Variants in DIAPH2 observed in about 807,000 individuals in gnomAD.
DIAPH2 encodes protein diaphanous homolog 2.
Under a neutral mutation model 92.7 loss-of-function variants are expected in DIAPH2, and 35 were observed. That is an observed-to-expected ratio of 0.38 (90% CI 0.29 to 0.50). The LOEUF (loss-of-function observed/expected upper bound fraction) is 0.50. Among genes scored for constraint, DIAPH2 ranks in the 20% least tolerant of loss-of-function variants. The pLI, the probability that DIAPH2 is intolerant of heterozygous loss-of-function variation, is 0.94. For synonymous variants in DIAPH2, 301 were observed against 280.4 expected, an observed-to-expected ratio of 1.07 and a Z score of -0.73; for missense variants, 701 against 819.5, an observed-to-expected ratio of 0.86 and a Z score of 1.77.
chrX:96,882,984 C>CAAAAAAAAAAA (rs1015330735), intron 5 of DIAPH2, among the ~76,000 whole-genome samples: 1 of 28,483 alleles, frequency 3.5e-5, no homozygotes, highest in Non-Finnish European at 9.5e-5. Flanking sequence ...AAAAAAAAAA[C>CAAAAAAAAAAA]AAAAAAACAA....
intron 24 of DIAPH2, among the ~76,000 whole-genome samples, chrX:97,366,495 C>G (rs1380146256): frequency 8.9e-6 from 1 of 111,824 alleles, no homozygotes; most frequent in East Asian, 2.8e-4. Context: ...CATGTTTACT[C>G]CATTTTATTT....
chrX:97,443,566 A>G (rs1175705271), intron 26 of DIAPH2, among the ~76,000 whole-genome samples: 1 of 111,761 alleles, frequency 8.9e-6, no homozygotes, highest in South Asian at 3.8e-4. Flanking sequence ...AATTTGAGGG[A>G]TGGAGGAAAT....
At chrX:97,031,866 G>C (rs1363934270) in intron 17 of DIAPH2, among the ~76,000 whole-genome samples, 3 of 111,678 alleles carry the variant, frequency 2.7e-5, no homozygotes, top group Non-Finnish European at 5.7e-5. Flanking sequence ...GTCAGAATGG[G>C]AATTAGCCAA....
At chrX:97,413,140 G>T (rs1440830369) in intron 25 of DIAPH2, among the ~76,000 whole-genome samples, 1 of 111,699 alleles carries the variant, frequency 9.0e-6, no homozygotes, top group South Asian at 3.8e-4. Context: ...GATGAACATC[G>T]ATGTGAAAAT....
intron 23 of DIAPH2, among the ~76,000 whole-genome samples, chrX:97,279,158 A>G (rs2147597902): frequency 9.0e-6 from 1 of 111,544 alleles, no homozygotes; most frequent in East Asian, 2.8e-4. Context: ...TCTAGTCTCT[A>G]GATTTGGTCT....
At chrX:96,731,989 C>T (rs888570712) in intron 1 of DIAPH2, among the ~76,000 whole-genome samples, 2 of 110,821 alleles carry the variant, frequency 1.8e-5, no homozygotes, top group Admixed American at 1.9e-4. Flanking sequence ...AGGGGTATGA[C>T]TCTAATAAAG....
chrX:97,261,382 G>T (rs975323117), intron 23 of DIAPH2, among the ~76,000 whole-genome samples: 1 of 111,744 alleles, frequency 8.9e-6, no homozygotes, highest in African/African-American at 3.3e-5. Context: ...TGCTTAAAAT[G>T]CCAAGATGTG....
At chrX:97,067,200 C>G (rs1412098089) in intron 17 of DIAPH2, among the ~76,000 whole-genome samples, 1 of 111,932 alleles carries the variant, frequency 8.9e-6, no homozygotes, top group Non-Finnish European at 1.9e-5. Flanking sequence ...GACTCGATAA[C>G]AATTGAACAC....
chrX:97,402,088 C>T (rs1182469003), intron 25 of DIAPH2, among the ~76,000 whole-genome samples: 3 of 111,811 alleles, frequency 2.7e-5, no homozygotes, highest in Non-Finnish European at 1.9e-5. Context: ...ACAGGGAACT[C>T]AGTAGAGTCT....
At chrX:96,889,112 A>G (rs1338239292) in intron 5 of DIAPH2, among the ~76,000 whole-genome samples, 1 of 112,011 alleles carries the variant, frequency 8.9e-6, no homozygotes, top group Non-Finnish European at 1.9e-5. Flanking sequence ...GTACTCATCT[A>G]TCAGCTTAAG....
chrX:97,147,818 A>G (rs2067257653), intron 22 of DIAPH2, among the ~76,000 whole-genome samples: 1 of 111,345 alleles, frequency 9.0e-6, no homozygotes, highest in Non-Finnish European at 1.9e-5. Context: ...GATATCTGCC[A>G]TGTTTCCATG....
intron 4 of DIAPH2, among the ~76,000 whole-genome samples, chrX:96,853,879 A>T (rs1175175912): frequency 1.8e-5 from 2 of 111,993 alleles, no homozygotes; most frequent in Non-Finnish European, 1.9e-5. Flanking sequence ...TACTAGTCAC[A>T]TATGATACTG....
intron 24 of DIAPH2, among the ~76,000 whole-genome samples, chrX:97,354,547 A>G (rs1002360878): frequency 3.6e-5 from 4 of 111,612 alleles, no homozygotes; most frequent in African/African-American, 1.3e-4. Flanking sequence ...TAATTTTTGT[A>G]TTTTTAGTAG....
At chrX:97,335,562 C>A (rs2069050717) in intron 23 of DIAPH2, among the ~76,000 whole-genome samples, 1 of 111,877 alleles carries the variant, frequency 8.9e-6, no homozygotes, top group Non-Finnish European at 1.9e-5. Context: ...CCGGTAAACA[C>A]AACTATATGG....
At chrX:97,136,897 A>G (rs771017355) in intron 21 of DIAPH2, among the ~76,000 whole-genome samples, 19 of 110,314 alleles carry the variant, frequency 1.7e-4, no homozygotes, top group Non-Finnish European at 3.6e-4. Flanking sequence ...CATTTTAAGT[A>G]TATCAGTCTT....
At chrX:97,335,421 G>A (rs1353627724) in intron 23 of DIAPH2, among the ~76,000 whole-genome samples, 1 of 111,797 alleles carries the variant, frequency 8.9e-6, no homozygotes, top group Non-Finnish European at 1.9e-5. Flanking sequence ...AACTGAGTGT[G>A]AGGTAGGGCT....
At chrX:96,796,468 C>T (rs1171167786) in intron 4 of DIAPH2, among the ~76,000 whole-genome samples, 2 of 112,303 alleles carry the variant, frequency 1.8e-5, no homozygotes, top group Non-Finnish European at 3.8e-5. Context: ...GCGTGAGCCA[C>T]CACGCTGGCC....
At chrX:97,270,183 C>T (rs1332916331) in intron 23 of DIAPH2, among the ~76,000 whole-genome samples, 1 of 110,741 alleles carries the variant, frequency 9.0e-6, no homozygotes, top group Non-Finnish European at 1.9e-5. Context: ...CCCGTCTCGG[C>T]CTCCCAAAGT....
At chrX:97,515,978 G>A (rs1321357802) in intron 26 of DIAPH2, among the ~76,000 whole-genome samples, 1 of 111,356 alleles carries the variant, frequency 9.0e-6, no homozygotes, top group Admixed American at 9.5e-5. Context: ...ATAAGGCCGG[G>A]CACCGTGGCT....
Sources: gnomAD v4.1 joint callset for allele counts (sites outside exome capture counted in the v4.1 genomes callset) on GRCh38, gnomAD v4.1.1 for gene constraint, MANE v1.5 for transcripts, NCBI Gene and HGNC (gene_info 2026-07-23, HGNC 2026-07-21) for gene names.